C11orf65: variants seen among roughly 807,000 people sequenced by gnomAD.
C11orf65 encodes protein MFI.
C11orf65 carries 38 observed loss-of-function variants against 35.3 expected under a neutral mutation model. The ratio of observed to expected loss-of-function variants is 1.08; its 90% CI spans 0.83 to 1.41. The LOEUF is 1.41. Ranked by LOEUF, C11orf65 falls within the 40% of genes most tolerant of loss-of-function variation. The pLI is 0.00. For missense variants in C11orf65, 370 were observed against 367.1 expected (o/e 1.01, Z -0.06); for synonymous variants, 105 against 114.4 (o/e 0.92, Z 0.53).
In C11orf65 at chr11:108,382,883, T is replaced by C. The variant is rs962685980; in HGVS notation, c.*138A>G. 16 of 1,519,312 alleles carry C rather than the reference T, an allele frequency of 1.1e-5. No homozygotes were observed. In the East Asian group the frequency reaches 3.5e-4, roughly 34 times the overall value. 94.1% of individuals were successfully genotyped at this position (1,519,312 alleles called of 1,614,324 possible). A position where few individuals can be genotyped will look rare whatever the true frequency, so the allele number is the denominator to read the frequency against. ...AGTCCAGTGTTCTATTTCTGCTCAA[T>C]CTTCCTTACTTAACTGAGCTAGATT... On this transcript the variant is annotated 3_prime_UTR_variant, in exon 9 of 9. Transcript: ENST00000393084.
In C11orf65 at chr11:108,393,268, G is replaced by T; in HGVS notation, c.671C>A (p.Ser224Tyr). Residue 224 changes from serine (S) to tyrosine (Y), a missense_variant, in exon 7 of 9, where the codon TCT (serine) becomes TAT (tyrosine). Transcript: ENST00000393084. ...TTCATCCACTTCCCATTCCATCACA[G>T]AATCTATCCCCCCATCTTCAAAAGC... is the stretch of plus-strand genomic sequence containing the variant. ...IRAFEDGGID[S>Y]VMEWEVDEVL... 1.2e-5 allele frequency: 20 copies of T among 1,614,012 alleles called. No homozygotes were observed. Among genetic ancestry groups the T allele is most frequent in the Non-Finnish European group, 1.7e-5 (20 of 1,179,980 alleles).
intron 2 of C11orf65, among the ~76,000 whole-genome samples, chr11:108,373,259 T>C (rs189619994): frequency 6.6e-6 from 1 of 152,344 alleles, no homozygotes; most frequent in African/African-American, 2.4e-5. Flanking sequence ...CATATGATCA[T>C]GCCAATAGTG....
chr11:108,324,925 A>T (rs2085496442), intron 6 of C11orf65, among the ~76,000 whole-genome samples: 1 of 152,216 alleles, frequency 6.6e-6, no homozygotes, highest in Non-Finnish European at 1.5e-5. Flanking sequence ...TTCCTTGCTG[A>T]CATGTCCTCA....
At chr11:108,335,781 A>G in intron 2 of C11orf65, 1 of 1,343,094 alleles carries the variant, frequency 7.4e-7, no homozygotes, top group Non-Finnish European at 1.1e-6. Context: ...CTATTCTCAG[A>G]TGACTCTGTG....
intron 3 of C11orf65, among the ~76,000 whole-genome samples, chr11:108,334,203 G>A (rs2086586077): frequency 8.1e-6 from 1 of 123,494 alleles, no homozygotes; most frequent in Non-Finnish European, 1.8e-5. Flanking sequence ...TCTTTCTTAT[G>A]AAGGTCTATA....
chr11:108,459,351 C>T (rs2093444114), intron 2 of C11orf65, among the ~76,000 whole-genome samples: 1 of 152,024 alleles, frequency 6.6e-6, no homozygotes, highest in Non-Finnish European at 1.5e-5. Flanking sequence ...AGTAAACATC[C>T]ACCTACCTGC....
chr11:108,469,271 A>G (rs1173229095), upstream of C11orf65, among the ~76,000 whole-genome samples: 1 of 151,748 alleles, frequency 6.6e-6, no homozygotes, highest in Non-Finnish European at 1.5e-5. Context: ...ACTTAAGTCC[A>G]CTGAATTGTA....
intron 6 of C11orf65, among the ~76,000 whole-genome samples, chr11:108,323,502 T>C (rs998411894): frequency 2.6e-5 from 4 of 152,174 alleles, no homozygotes; most frequent in African/African-American, 9.7e-5. Context: ...ATAGGGCAAC[T>C]GTAGTTAACA....
intron 7 of C11orf65, 110 bp from the exon 8 acceptor site, chr11:108,386,085 C>A: frequency 2.4e-6 from 2 of 842,508 alleles, no homozygotes; most frequent in South Asian, 3.1e-5. Flanking sequence ...ATGGCATGTT[C>A]ACTAGCCTCC....
intron 1 of C11orf65, among the ~76,000 whole-genome samples, chr11:108,466,823 A>G (rs539473103): frequency 2.6e-5 from 4 of 152,370 alleles, no homozygotes; most frequent in African/African-American, 7.2e-5. Context: ...TTAAAGCAGC[A>G]AACAATCTTT....
rs1010206130 is a variant in C11orf65, at chr11:108,343,323, A to C, written c.227-8031T>G. 1 of 1,613,964 alleles carries C rather than the reference A, an allele frequency of 6.2e-7. No homozygotes were observed. The highest frequency in any genetic ancestry group is 1.3e-5 in the African/African-American group (1 of 74,928). ...ACAATGAAGATGGTGCTCATAAAAG[A>C]TACAGGCCAAATGATTTCAGTGCCT... On this transcript the variant is annotated intron_variant, in intron 2 of 3. Coordinates refer to the C11orf65 transcript ENST00000524755.
downstream of C11orf65, among the ~76,000 whole-genome samples, chr11:108,381,413 A>G (rs1385678557): frequency 2.0e-5 from 3 of 152,188 alleles, no homozygotes; most frequent in Non-Finnish European, 4.4e-5. Context: ...CTACCTGGTC[A>G]TGTTTGGCTC....
chr11:108,458,476 C>T (rs899813259), intron 2 of C11orf65, among the ~76,000 whole-genome samples: 4 of 152,072 alleles, frequency 2.6e-5, no homozygotes, highest in African/African-American at 9.7e-5. Flanking sequence ...TCAGGCCAGC[C>T]TCTCAGGATC....
chr11:108,345,691 G>C (rs2137019771), intron 2 of C11orf65: 2 of 1,372,180 alleles, frequency 1.5e-6, no homozygotes, highest in Non-Finnish European at 2.0e-6. Context: ...GTGTATATTA[G>C]TTTAATTGAA....
intron 2 of C11orf65, among the ~76,000 whole-genome samples, chr11:108,373,878 G>A (rs769771502): frequency 3.9e-4 from 59 of 152,274 alleles, no homozygotes; most frequent in Non-Finnish European, 6.5e-4. Flanking sequence ...ATTATATCCC[G>A]CACCTGGCTT....
At chr11:108,466,085 T>C in intron 1 of C11orf65, among the ~76,000 whole-genome samples, 1 of 151,812 alleles carries the variant, frequency 6.6e-6, no homozygotes, top group East Asian at 1.9e-4. Context: ...GACGGAGAAC[T>C]TAAAGGGGCA....
chr11:108,372,748 A>C (rs189364602), intron 2 of C11orf65, among the ~76,000 whole-genome samples: 2 of 152,318 alleles, frequency 1.3e-5, no homozygotes, highest in East Asian at 3.9e-4. Context: ...ATATTAGAAT[A>C]ACCCATTTTA....
chr11:108,321,715 C>G (rs2085240078), intron 6 of C11orf65, among the ~76,000 whole-genome samples: 1 of 151,318 alleles, frequency 6.6e-6, no homozygotes, highest in Admixed American at 6.6e-5. Flanking sequence ...CCCAGCACAA[C>G]AGGCAGAGGT....
At chr11:108,332,173 A>G (rs987404397) in intron 3 of C11orf65, 5 of 1,138,564 alleles carry the variant, frequency 4.4e-6, no homozygotes, top group Non-Finnish European at 6.2e-6. Context: ...CACGCCTGTA[A>G]TCCCAGCACT....
Sources: gnomAD v4.1 joint callset for allele counts (sites outside exome capture counted in the v4.1 genomes callset) on GRCh38, gnomAD v4.1.1 for gene constraint, MANE v1.5 for transcripts, NCBI Gene and HGNC (gene_info 2026-07-23, HGNC 2026-07-21) for gene names.